The following SH3RF3 variants were observed in gnomAD, a reference collection of about 807,000 sequenced individuals.
SH3RF3 encodes the protein SH3 domain containing ring finger 3.
Under a neutral mutation model 66.3 loss-of-function variants are expected in SH3RF3, and 29 were observed. That is an observed-to-expected ratio of 0.44 (90% CI 0.33 to 0.60). The LOEUF (loss-of-function observed/expected upper bound fraction) is 0.60. SH3RF3 is among the 20% of genes least tolerant of loss of function. The pLI, the probability that SH3RF3 is intolerant of heterozygous loss-of-function variation, is 0.04. For missense variants in SH3RF3, 1,194 were observed against 1,190.9 expected (o/e 1.00, Z -0.04); for synonymous variants, 583 against 532.0 (o/e 1.10, Z -1.32).
chr2:109,439,851 T>C (rs1677511249), intron 7 of SH3RF3, among the ~76,000 whole-genome samples: 1 of 151,730 alleles, frequency 6.6e-6, no homozygotes, highest in Admixed American at 6.6e-5. Context: ...GAAAACAAAG[T>C]TCTGTGGTGG....
intron 9 of SH3RF3, among the ~76,000 whole-genome samples, chr2:109,495,477 CTTTTTTTTTTTTTTTTTT>C (rs569509984): frequency 0.093 from 8,849 of 94,852 alleles, 447 homozygotes; most frequent in Middle Eastern, 0.16. Context: ...TCTTTCATTC[CTTTTTTTTTTTTTTTTTT>C]TTTTTTTTTT....
intron 1 of SH3RF3, among the ~76,000 whole-genome samples, chr2:109,339,757 G>A (rs1286013835): frequency 6.6e-6 from 1 of 152,130 alleles, no homozygotes; most frequent in Admixed American, 6.5e-5. Flanking sequence ...TCACAGCATG[G>A]GATCTCTTCC....
intron 8 of SH3RF3, among the ~76,000 whole-genome samples, chr2:109,484,828 G>A (rs1382731419): frequency 3.3e-5 from 5 of 152,184 alleles, no homozygotes; most frequent in Admixed American, 2.6e-4. Flanking sequence ...TCCTGGGACT[G>A]TCTGCAGGTG....
At chr2:109,251,404 GTGCATGGAGTAGACA>G in intron 1 of SH3RF3, 1 of 692,234 alleles carries the variant, frequency 1.4e-6, no homozygotes, top group South Asian at 1.4e-5. Flanking sequence ...GCATCTGTGA[GTGCATGGAGTAGACA>G]CCATGAGCAA....
chr2:109,189,600 C>A (rs1414987364), intron 1 of SH3RF3, among the ~76,000 whole-genome samples: 1 of 152,076 alleles, frequency 6.6e-6, no homozygotes, highest in Non-Finnish European at 1.5e-5. Flanking sequence ...AACTCCTGAC[C>A]TCATGATCTT....
intron 1 of SH3RF3, among the ~76,000 whole-genome samples, chr2:109,204,881 C>A (rs1429531949): frequency 6.6e-6 from 1 of 152,068 alleles, no homozygotes; most frequent in Admixed American, 6.6e-5. Flanking sequence ...TTTTTGTGTT[C>A]CAGGGAAATA....
At chr2:109,249,502 TTTCTTTCA>T (rs1482386185) in intron 1 of SH3RF3, among the ~76,000 whole-genome samples, 426 of 30,758 alleles carry the variant, frequency 0.014, 10 homozygotes, top group Admixed American at 0.036. Context: ...TCTTTCTTTC[TTTCTTTCA>T]TTCTTTCTTT....
intron 8 of SH3RF3, among the ~76,000 whole-genome samples, chr2:109,455,507 A>G (rs1345694414): frequency 1.5e-5 from 2 of 133,368 alleles, no homozygotes; most frequent in East Asian, 4.3e-4. Context: ...AAATATATGT[A>G]TATCTCATAT....
chr2:109,158,647 G>A (rs1334052860), intron 1 of SH3RF3, among the ~76,000 whole-genome samples: 1 of 152,218 alleles, frequency 6.6e-6, no homozygotes, highest in African/African-American at 2.4e-5. Context: ...TCTAAGTCGT[G>A]AGAGCATCCC....
intron 1 of SH3RF3, among the ~76,000 whole-genome samples, chr2:109,272,040 G>A (rs1328158187): frequency 6.6e-6 from 1 of 152,086 alleles, no homozygotes; most frequent in Non-Finnish European, 1.5e-5. Flanking sequence ...TGACATTGGG[G>A]TGCTGCCCTG....
At chr2:109,407,766 G>A (rs113159328) in intron 4 of SH3RF3, among the ~76,000 whole-genome samples, 277 of 152,242 alleles carry the variant, frequency 1.8e-3, no homozygotes, top group African/African-American at 6.2e-3. Flanking sequence ...ATTGCATTGT[G>A]AGAATCTTAT....
chr2:109,148,129 C>T (rs1406225618), intron 1 of SH3RF3, among the ~76,000 whole-genome samples: 1 of 152,194 alleles, frequency 6.6e-6, no homozygotes, highest in Non-Finnish European at 1.5e-5. Context: ...TTTGTGTGGC[C>T]TTTTGGTCTC....
intron 1 of SH3RF3, among the ~76,000 whole-genome samples, chr2:109,145,443 C>T (rs771641590): frequency 1.2e-4 from 18 of 152,134 alleles, no homozygotes; most frequent in South Asian, 2.1e-4. Flanking sequence ...GAAGACCGGT[C>T]GCCTTCACCA....
intron 1 of SH3RF3, among the ~76,000 whole-genome samples, chr2:109,192,748 C>T (rs1411494155): frequency 6.6e-6 from 1 of 152,182 alleles, no homozygotes; most frequent in Non-Finnish European, 1.5e-5. Context: ...CTGGGGCTTC[C>T]AGTGCAGCCA....
chr2:109,346,240 G>A (rs1397372129), intron 1 of SH3RF3, among the ~76,000 whole-genome samples: 1 of 152,068 alleles, frequency 6.6e-6, no homozygotes, highest in Non-Finnish European at 1.5e-5. Context: ...CTGTTTAATT[G>A]GTTAGTGGTG....
intron 1 of SH3RF3, among the ~76,000 whole-genome samples, chr2:109,142,330 A>G (rs915054119): frequency 6.6e-6 from 1 of 152,014 alleles, no homozygotes; most frequent in African/African-American, 2.4e-5. Context: ...AAAAATTCCC[A>G]TGCATGTTAT....
intron 1 of SH3RF3, among the ~76,000 whole-genome samples, chr2:109,212,191 C>G (rs1034829907): frequency 1.3e-5 from 2 of 152,194 alleles, no homozygotes; most frequent in Admixed American, 6.5e-5. Flanking sequence ...GGGTACCAGC[C>G]ACTGGTGTCT....
rs114940208 is a variant in SH3RF3, at chr2:109,436,018, C to A, written c.1575-875C>A. Among the ~76,000 whole-genome samples, 349 of 152,222 alleles carry A rather than the reference C, an allele frequency of 2.3e-3. 1 individual carries two copies. Among genetic ancestry groups the A allele is most frequent in the African/African-American group, 8.2e-3 (340 of 41,532 alleles). On this transcript the variant is annotated intron_variant, in intron 6 of 9. Transcript: ENST00000309415. ...CTCTGTGTTGCCGGGAGCTTCCCTGCTAGAGGTCGTGCCCAGTGATACCAG... is the reference window on the plus strand; with the variant it reads ...CTCTGTGTTGCCGGGAGCTTCCCTGATAGAGGTCGTGCCCAGTGATACCAG...
At chr2:109,172,271 A>G (rs1181848482) in intron 1 of SH3RF3, among the ~76,000 whole-genome samples, 1 of 152,162 alleles carries the variant, frequency 6.6e-6, no homozygotes, top group Admixed American at 6.5e-5. Context: ...TGTGGGCAAC[A>G]GCTGCGTGTG....
Sources: gnomAD v4.1 joint callset for allele counts (sites outside exome capture counted in the v4.1 genomes callset) on GRCh38, gnomAD v4.1.1 for gene constraint, MANE v1.5 for transcripts, NCBI Gene and HGNC (gene_info 2026-07-23, HGNC 2026-07-21) for gene names.